DOK6: variants seen among roughly 807,000 people sequenced by gnomAD.
The protein encoded by DOK6 is downstream of tyrosine kinase 6.
Under a neutral mutation model 44.0 loss-of-function variants are expected in DOK6, and 22 were observed. The ratio of observed to expected loss-of-function variants is 0.50; its 90% CI spans 0.36 to 0.71. DOK6 has a LOEUF of 0.71. DOK6 is among the 30% of genes least tolerant of loss of function. The pLI, the probability that DOK6 is intolerant of heterozygous loss-of-function variation, is 0.00. For synonymous variants in DOK6, 166 were observed against 145.5 expected, an observed-to-expected ratio of 1.14 and a Z score of -1.01; for missense variants, 340 against 416.4, an observed-to-expected ratio of 0.82 and a Z score of 1.60.
At chr18:69,750,891 C>T (rs1177601766) in intron 6 of DOK6, among the ~76,000 whole-genome samples, 1 of 151,762 alleles carries the variant, frequency 6.6e-6, no homozygotes, top group South Asian at 2.1e-4. Context: ...TAGTATTGAG[C>T]CTTAAAAAGA....
intron 3 of DOK6, among the ~76,000 whole-genome samples, chr18:69,633,302 A>G (rs532232062): frequency 6.6e-6 from 1 of 152,348 alleles, no homozygotes; most frequent in African/African-American, 2.4e-5. Flanking sequence ...TGAGAAAATC[A>G]TGGTAAGATA....
chr18:69,700,737 G>T (rs2144705282), intron 5 of DOK6, among the ~76,000 whole-genome samples: 1 of 152,278 alleles, frequency 6.6e-6, no homozygotes, highest in Admixed American at 6.5e-5. Flanking sequence ...GCCAGTGGGG[G>T]AAGGTCTTGT....
intron 7 of DOK6, among the ~76,000 whole-genome samples, chr18:69,790,813 T>C (rs1177810754): frequency 6.6e-6 from 1 of 152,150 alleles, no homozygotes; most frequent in Non-Finnish European, 1.5e-5. Flanking sequence ...TCTAGTTATT[T>C]TTAAATGTTC....
intron 7 of DOK6, among the ~76,000 whole-genome samples, chr18:69,836,673 A>G (rs945580900): frequency 6.6e-5 from 10 of 152,240 alleles, no homozygotes; most frequent in Admixed American, 1.3e-4. Flanking sequence ...AAAGTTACAT[A>G]TTTGCCTTAT....
intron 7 of DOK6, among the ~76,000 whole-genome samples, chr18:69,834,376 G>A (rs1471407953): frequency 6.6e-6 from 1 of 152,144 alleles, no homozygotes; most frequent in Non-Finnish European, 1.5e-5. Flanking sequence ...AGGCTTGGAA[G>A]GGAAAGTGGA....
At chr18:69,480,741 G>C (rs1423288732) in intron 1 of DOK6, among the ~76,000 whole-genome samples, 1 of 152,056 alleles carries the variant, frequency 6.6e-6, no homozygotes, top group Non-Finnish European at 1.5e-5. Flanking sequence ...ATGTGACTGA[G>C]GTCACAATAC....
chr18:69,781,830 A>G (rs930711446), intron 7 of DOK6, among the ~76,000 whole-genome samples: 7 of 152,146 alleles, frequency 4.6e-5, no homozygotes, highest in Non-Finnish European at 8.8e-5. Flanking sequence ...TTTCATCCAG[A>G]TGACTACCTT....
chr18:69,531,557 GA>G (rs1392621510), intron 1 of DOK6, among the ~76,000 whole-genome samples: 19 of 151,632 alleles, frequency 1.3e-4, no homozygotes, highest in African/African-American at 4.4e-4. Context: ...CAGCCATTAA[GA>G]GCCAAAGCCA....
intron 7 of DOK6, among the ~76,000 whole-genome samples, chr18:69,783,666 T>A (rs1980345187): frequency 6.6e-6 from 1 of 152,170 alleles, no homozygotes; most frequent in Non-Finnish European, 1.5e-5. Context: ...TTTGTATTTT[T>A]AATTATTTAT....
intron 1 of DOK6, among the ~76,000 whole-genome samples, chr18:69,510,014 C>T (rs1003393461): frequency 6.6e-6 from 1 of 152,220 alleles, no homozygotes; most frequent in African/African-American, 2.4e-5. Context: ...AATGTTGCCG[C>T]ATACAAGACT....
At chr18:69,749,873 G>A (rs552055614) in intron 6 of DOK6, among the ~76,000 whole-genome samples, 25 of 150,730 alleles carry the variant, frequency 1.7e-4, no homozygotes, top group South Asian at 1.5e-3. Context: ...CCTGGGAGGC[G>A]AAGGTTGCAG....
At chr18:69,751,006 C>CA (rs1358383766) in intron 6 of DOK6, among the ~76,000 whole-genome samples, 1 of 151,930 alleles carries the variant, frequency 6.6e-6, no homozygotes, top group African/African-American at 2.4e-5. Context: ...AAACCAGACA[C>CA]AAAAAGACAA....
rs182069904 is a variant in DOK6 at position 69,714,369 on chromosome 18, G to A, written c.599+15776G>A. On this transcript the variant is annotated intron_variant, in intron 5 of 7. Coordinates refer to ENST00000382713, the MANE Select transcript of DOK6 (RefSeq NM_152721.6). ...AGAAGCGGGGCCCTGGGAGCTGCCT[G>A]GACAGACTAGACCTCTCCTGCTTTG... 3.7e-3 allele frequency among the ~76,000 whole-genome samples: 560 copies of A among 152,234 alleles called. 6 individuals carry two copies. The highest frequency in any genetic ancestry group is 0.013 in the African/African-American group (543 of 41,548).
chr18:69,617,502 AAGAG>A (rs750828246), intron 3 of DOK6, among the ~76,000 whole-genome samples: 1,647 of 122,410 alleles, frequency 0.013, 12 homozygotes, highest in Non-Finnish European at 0.02. Flanking sequence ...GAAAGAAAGA[AAGAG>A]AAAGAAAGAA....
At chr18:69,717,239 CATGTTAT>C in intron 5 of DOK6, among the ~76,000 whole-genome samples, 1 of 152,158 alleles carries the variant, frequency 6.6e-6, no homozygotes, top group Non-Finnish European at 1.5e-5. Flanking sequence ...AATATCTATA[CATGTTAT>C]TTTTATGACA....
At chr18:69,550,777 C>CTTTTT (rs10538639) in intron 1 of DOK6, among the ~76,000 whole-genome samples, 61 of 121,428 alleles carry the variant, frequency 5.0e-4, no homozygotes, top group African/African-American at 8.5e-4. Context: ...TTGTTTCTTT[C>CTTTTT]TTTTTTTTTT....
chr18:69,511,234 T>C (rs1981357294), intron 1 of DOK6, among the ~76,000 whole-genome samples: 1 of 152,224 alleles, frequency 6.6e-6, no homozygotes, highest in Admixed American at 6.5e-5. Flanking sequence ...CTGTTGTTTT[T>C]GTATCTTGGC....
chr18:69,657,440 A>G (rs940759515), intron 3 of DOK6, among the ~76,000 whole-genome samples: 3 of 152,186 alleles, frequency 2.0e-5, no homozygotes, highest in Non-Finnish European at 4.4e-5. Flanking sequence ...AGCTGAGCAG[A>G]GTTGAAGCTG....
chr18:69,513,220 A>T (rs1981423608), intron 1 of DOK6, among the ~76,000 whole-genome samples: 1 of 152,368 alleles, frequency 6.6e-6, no homozygotes. Context: ...AAAGAAGAGG[A>T]ATTAACTCTT....
Sources: allele counts gnomAD v4.1 joint callset (sites outside exome capture counted in the v4.1 genomes callset), GRCh38; gene constraint gnomAD v4.1.1; transcripts MANE v1.5; gene names NCBI Gene and HGNC (gene_info 2026-07-23, HGNC 2026-07-21).